The following ABI2 variants were observed in gnomAD, a reference collection of about 807,000 sequenced individuals.
ABI2 encodes abl interactor 2.
ABI2 carries 25 observed loss-of-function variants against 59.2 expected under a neutral mutation model. The ratio of observed to expected loss-of-function variants is 0.42; its 90% confidence interval spans 0.31 to 0.59. ABI2 has a LOEUF of 0.59. Among genes scored for constraint, ABI2 ranks in the 20% least tolerant of loss-of-function variants. The pLI is 0.14. For missense variants in ABI2, 545 were observed against 681.8 expected (o/e 0.80, Z 2.23); for synonymous variants, 213 against 235.5 (o/e 0.90, Z 0.87).
At chr2:203,404,555 A>G (rs1469586655) in intron 9 of ABI2, among the ~76,000 whole-genome samples, 1 of 151,994 alleles carries the variant, frequency 6.6e-6, no homozygotes, top group Non-Finnish European at 1.5e-5. Flanking sequence ...ACGCCTGGCT[A>G]ATTTTTGTTT....
At chr2:203,425,229 TTTTTC>T (rs1322288683) in intron 11 of ABI2, among the ~76,000 whole-genome samples, 1 of 152,048 alleles carries the variant, frequency 6.6e-6, no homozygotes, top group Non-Finnish European at 1.5e-5. Flanking sequence ...TTTTCTTTTA[TTTTTC>T]TTTTTTGAGA....
intron 9 of ABI2, among the ~76,000 whole-genome samples, chr2:203,403,590 A>G (rs1228329669): frequency 1.3e-5 from 2 of 151,828 alleles, no homozygotes; most frequent in South Asian, 4.2e-4. Flanking sequence ...ATGTTTTTAT[A>G]TTATCTCATT....
rs140793695 is a variant in ABI2, at chr2:203,402,690, T to A, written c.1148T>A (p.Leu383His). The change falls in exon 9 of 12, where the codon CTT becomes CAT. Residue 383 changes from leucine to histidine, a missense_variant. Leu to His is a moderately conservative substitution (Grantham distance 99). Transcript: ENST00000261018. ...CCTTCCATTACTTCACAAACAAGCC[T>A]TCAGAATCAGATGAATGGAGGACCT... ...RPPSITSQTSLQNQMNGGPFY... is the reference protein window; with the variant it reads ...RPPSITSQTSHQNQMNGGPFY... 5.1e-4 allele frequency: 815 copies of A among 1,606,648 alleles called. 1 individual carries two copies. The highest frequency in any genetic ancestry group is 2.2e-3 in the Admixed American group (131 of 58,342).
At chr2:203,377,585 A>G (rs892891200) in intron 2 of ABI2, among the ~76,000 whole-genome samples, 43 of 152,232 alleles carry the variant, frequency 2.8e-4, no homozygotes, top group Admixed American at 9.2e-4. Context: ...TCTAGCCCAT[A>G]CTTTTAATGA....
intron 8 of ABI2, among the ~76,000 whole-genome samples, 199 bp from the exon 9 acceptor site, chr2:203,402,377 A>C (rs1392372088): frequency 6.6e-6 from 1 of 152,110 alleles, no homozygotes; most frequent in Non-Finnish European, 1.5e-5. Flanking sequence ...AAACTTAATC[A>C]TATTTTTGTT....
At chr2:203,356,387 G>A (rs2091975150) in intron 1 of ABI2, among the ~76,000 whole-genome samples, 1 of 151,908 alleles carries the variant, frequency 6.6e-6, no homozygotes, top group Admixed American at 6.6e-5. Context: ...TATTTATTTT[G>A]AGACAGAGTC....
chr2:203,352,179 G>A (rs1230470024), intron 1 of ABI2, among the ~76,000 whole-genome samples: 1 of 152,166 alleles, frequency 6.6e-6, no homozygotes, highest in East Asian at 1.9e-4. Context: ...GTCCAGGCTG[G>A]GTGGGGTGCT....
chr2:203,423,599 A>G (rs2098312283), intron 11 of ABI2, among the ~76,000 whole-genome samples: 1 of 152,096 alleles, frequency 6.6e-6, no homozygotes, highest in Admixed American at 6.5e-5. Flanking sequence ...TAAATTTTGC[A>G]TTTTTAGTAG....
chr2:203,426,253 G>A (rs1198159245), intron 11 of ABI2, among the ~76,000 whole-genome samples: 1 of 152,168 alleles, frequency 6.6e-6, no homozygotes, highest in Non-Finnish European at 1.5e-5. Context: ...ATGGATAGGT[G>A]GAGATTTCAT....
chr2:203,384,484 A>T (rs914384059), intron 4 of ABI2, among the ~76,000 whole-genome samples: 3 of 150,804 alleles, frequency 2.0e-5, no homozygotes, highest in South Asian at 4.2e-4. Context: ...TTTTTAACAA[A>T]TTTTTTGTAG....
intron 1 of ABI2, among the ~76,000 whole-genome samples, chr2:203,363,021 G>A (rs1307404844): frequency 6.6e-6 from 1 of 152,040 alleles, no homozygotes; most frequent in African/African-American, 2.4e-5. Flanking sequence ...AGTAGAGACA[G>A]GGTTTTACCA....
chr2:203,345,301 C>T (rs1166294038), intron 1 of ABI2, among the ~76,000 whole-genome samples: 4 of 152,086 alleles, frequency 2.6e-5, no homozygotes, highest in African/African-American at 7.2e-5. Flanking sequence ...TGAAGTCAAG[C>T]GAAACCAGGA....
intron 2 of ABI2, among the ~76,000 whole-genome samples, chr2:203,372,040 A>G (rs2095258830): frequency 6.6e-6 from 1 of 151,920 alleles, no homozygotes; most frequent in Admixed American, 6.6e-5. Context: ...CAAGTGAACA[A>G]AGGTCTCTGG....
chr2:203,384,242 G>T (rs1313554628), intron 4 of ABI2, among the ~76,000 whole-genome samples: 1 of 150,810 alleles, frequency 6.6e-6, no homozygotes, highest in Non-Finnish European at 1.5e-5. Flanking sequence ...TATAAAAGTG[G>T]AATGTACCTT....
rs1424801156 is a variant in ABI2 at position 203,346,217 on chromosome 2, C to T, written c.117+17586C>T. Among the ~76,000 whole-genome samples the T allele has an allele frequency of 3.3e-5, 5 of 152,058 alleles. No individual in the cohort carries two copies. In the South Asian group the frequency reaches 6.2e-4, roughly 19 times the overall value. On this transcript the variant is annotated intron_variant, in intron 1 of 11. Coordinates refer to ENST00000261018, the MANE Select transcript of ABI2 (RefSeq NM_001375670.1). ...AAGATTTCAGAATAGTAAGCTATTT[C>T]CCAACTATTTAAATCTTTGAGGAGT...
intron 1 of ABI2, chr2:203,329,034 C>T (rs2070743624): frequency 6.1e-6 from 1 of 162,700 alleles, no homozygotes; most frequent in African/African-American, 2.4e-5. Context: ...CTCCATCCCC[C>T]AAATTCTGGA....
In ABI2 at chr2:203,356,613, A is replaced by T. The variant is rs76134837; in HGVS notation, c.118-10264A>T. ...TCGAACTCCTGAGCTCAGGCGATCC[A>T]CCCACCTTGGCCTCCGAAAGTGCTA... On this transcript the variant is annotated intron_variant, in intron 1 of 11. Coordinates refer to ENST00000261018, the MANE Select transcript of ABI2 (RefSeq NM_001375670.1). Among the ~76,000 whole-genome samples the T allele has an allele frequency of 2.9e-3, 447 of 152,046 alleles. 26 individuals carry two copies. In the East Asian group the frequency reaches 0.082, roughly 28 times the overall value.
chr2:203,422,438 G>A (rs1285936480), intron 11 of ABI2, among the ~76,000 whole-genome samples: 1 of 152,162 alleles, frequency 6.6e-6, no homozygotes, highest in African/African-American at 2.4e-5. Flanking sequence ...GAGAGAAGTC[G>A]AGTGTTGGTA....
In ABI2 at chr2:203,391,125, C is replaced by T. The variant is rs1204269871; in HGVS notation, c.560C>T (p.Ser187Leu). 1 of 1,612,956 alleles carries T rather than the reference C, an allele frequency of 6.2e-7. No homozygotes were observed. Among genetic ancestry groups the T allele is most frequent in the Non-Finnish European group, 8.5e-7 (1 of 1,179,458 alleles). The change falls in exon 5 of 12, where the codon TCA becomes TTA. Residue 187 changes from serine to leucine, a missense_variant. Around this residue, in one of 4 missense-constraint regions of ABI2, gnomAD observed 410 missense variants for 435.6 expected, o/e 0.94. Transcript: ENST00000261018. ...PTQKPPSPPM[S>L]GKGTLGRHSP... is the part of the protein sequence containing the mutation. Reference sequence around the variant, plus strand: ...CAGAAGCCCCCTAGTCCCCCTATGTCAGGGAAAGGGACACTTGGGTGAGTA... The same window carrying T: ...CAGAAGCCCCCTAGTCCCCCTATGTTAGGGAAAGGGACACTTGGGTGAGTA...
Sources: allele counts gnomAD v4.1 joint callset (sites outside exome capture counted in the v4.1 genomes callset), GRCh38; gene constraint gnomAD v4.1.1; regional missense constraint gnomAD v4.1.1; transcripts MANE v1.5; gene names NCBI Gene and HGNC (gene_info 2026-07-23, HGNC 2026-07-21).